Variants in CEP350 observed in about 807,000 individuals in gnomAD.
CEP350 encodes centrosomal protein 350, also known as centrosome-associated protein 350.
A neutral mutation model predicts 331.8 loss-of-function variants in CEP350; 126 were observed. That is an observed-to-expected ratio of 0.38 (90% CI 0.33 to 0.44). CEP350 has a LOEUF of 0.44. Among genes scored for constraint, CEP350 ranks in the 20% least tolerant of loss-of-function variants. The probability of loss-of-function intolerance (pLI) is 1.00; values close to 1 mark genes in which losing one functional copy is unlikely to be tolerated. For synonymous variants in CEP350, 1,200 were observed against 1,259.5 expected, an observed-to-expected ratio of 0.95 and a Z score of 1.00; for missense variants, 3,406 against 3,634.6, an observed-to-expected ratio of 0.94 and a Z score of 1.62.
chr1:179,978,570 T>C (rs1652049395), intron 1 of CEP350, among the ~76,000 whole-genome samples: 2 of 152,048 alleles, frequency 1.3e-5, no homozygotes, highest in Non-Finnish European at 2.9e-5. Context: ...TACTAACCTC[T>C]GTTCTACTTT....
At chr1:180,089,917 A>G (rs556478670) in intron 32 of CEP350, among the ~76,000 whole-genome samples, 1 of 152,328 alleles carries the variant, frequency 6.6e-6, no homozygotes, top group South Asian at 2.1e-4. Context: ...TAAAATAGCA[A>G]CATTTTAGGG....
At chr1:180,027,097 AC>A (rs1558110902) in intron 14 of CEP350, among the ~76,000 whole-genome samples, 1 of 152,200 alleles carries the variant, frequency 6.6e-6, no homozygotes, top group Non-Finnish European at 1.5e-5. Context: ...TATTTTGTCT[AC>A]ATTTATGCCA....
intron 3 of CEP350, among the ~76,000 whole-genome samples, chr1:179,989,374 T>C (rs1475504862): frequency 6.6e-6 from 1 of 151,602 alleles, no homozygotes; most frequent in Non-Finnish European, 1.5e-5. Flanking sequence ...TCCCAGCTAT[T>C]TGGGAGGCTG....
intron 29 of CEP350, 55 bp downstream of exon 29, chr1:180,078,729 T>TA: frequency 2.1e-6 from 3 of 1,427,490 alleles, no homozygotes; most frequent in Non-Finnish European, 2.9e-6. Flanking sequence ...AACTGAAAGG[T>TA]ATGTTAGCAG....
Position 179,992,086 on chromosome 1 carries a change from G to A in CEP350, c.260G>A (p.Trp87Ter). The A allele has an allele frequency of 6.5e-7, 1 of 1,549,562 alleles. No homozygotes were observed. The highest frequency in any genetic ancestry group is 8.7e-7 in the Non-Finnish European group (1 of 1,150,748). ...RKDGRYLDDS[W>*]VNAPISKSTK... ...GATGGTAGATACCTGGATGATTCTT[G>A]GGTTAATGCTCCAATCTCCAAATCC... is the stretch of plus-strand genomic sequence containing the variant. The change falls in exon 5 of 38, where the codon TGG (tryptophan) becomes TAG (stop). Residue 87 changes from tryptophan (W) to a stop codon, truncating the protein, a stop_gained. Coordinates refer to ENST00000367607, the MANE Select transcript of CEP350 (RefSeq NM_014810.5). LOFTEE classifies it high-confidence loss of function.
intron 27 of CEP350, among the ~76,000 whole-genome samples, chr1:180,066,512 T>A (rs1194314011): frequency 2.0e-5 from 3 of 152,198 alleles, no homozygotes; most frequent in Admixed American, 1.3e-4. Flanking sequence ...GTAAGTTAAA[T>A]CCTTACTTTC....
chr1:179,993,982 G>C (rs1653285898), intron 5 of CEP350, among the ~76,000 whole-genome samples: 1 of 152,028 alleles, frequency 6.6e-6, no homozygotes, highest in Non-Finnish European at 1.5e-5. Flanking sequence ...ATTATGTTTT[G>C]GTTCCATATC....
At chr1:179,990,755 C>T (rs955733200) in intron 4 of CEP350, 134 bp downstream of exon 4, 3 of 471,946 alleles carry the variant, frequency 6.4e-6, no homozygotes, top group Non-Finnish European at 1.1e-5. Context: ...CGAAGTCTCT[C>T]TGTGCTGCCC....
intron 3 of CEP350, 75 bp downstream of exon 3, chr1:179,987,361 T>A (rs1486131225): frequency 1.3e-6 from 1 of 764,202 alleles, no homozygotes; most frequent in Non-Finnish European, 2.2e-6. Flanking sequence ...TAGATTAAAA[T>A]GTTTTCCATA....
Position 179,976,282 on chromosome 1 carries a change from T to C in CEP350, c.-13-9887T>C, listed in dbSNP as rs141880049. Among the ~76,000 whole-genome samples the C allele has an allele frequency of 1.2e-4, 18 of 152,156 alleles. 1 individual carries two copies. In the East Asian group the frequency reaches 3.1e-3, roughly 26 times the overall value. The stretch of plus-strand genomic sequence containing the variant: ...ACTCCAATTTTTGGTTTAAAAAACA[T>C]AGACTTTTTAGTTGAAGGACTGTTC... On this transcript the variant is annotated intron_variant, in intron 1 of 37. Transcript: ENST00000367607.
intron 21 of CEP350, among the ~76,000 whole-genome samples, chr1:180,046,773 T>C (rs1657151299): frequency 6.6e-6 from 1 of 152,188 alleles, no homozygotes; most frequent in African/African-American, 2.4e-5. Context: ...GGGGGGACCA[T>C]GCATACTTGT....
chr1:180,023,881 A>G (rs1655499225), intron 13 of CEP350, among the ~76,000 whole-genome samples: 1 of 152,170 alleles, frequency 6.6e-6, no homozygotes, highest in African/African-American at 2.4e-5. Flanking sequence ...ATCTTATACA[A>G]ATTAGTTAAA....
chr1:179,970,156 A>G (rs1041301214), intron 1 of CEP350, among the ~76,000 whole-genome samples: 7 of 152,178 alleles, frequency 4.6e-5, no homozygotes, highest in African/African-American at 7.2e-5. Flanking sequence ...TCTTTATTTC[A>G]TCAGTGTGGG....
At position 180,020,732 on chromosome 1, in the gene CEP350, T is replaced by A. The variant is rs749688431; in HGVS notation, c.2958T>A (p.Pro986=). The part of the protein sequence containing the change: ...GSSIDSVSEG[P]LLSEGSLSEE... Reference sequence around the variant, plus strand: ...GCATAGATTCAGTCAGTGAAGGGCCTCTTCTTAGTGAGGGGAGTCTCTCTG... The same window carrying A: ...GCATAGATTCAGTCAGTGAAGGGCCACTTCTTAGTGAGGGGAGTCTCTCTG... The change falls in exon 12 of 38, where the codon CCT becomes CCA. Residue 986 remains proline, a synonymous_variant. Transcript: ENST00000367607. The A allele has an allele frequency of 1.2e-6, 2 of 1,614,038 alleles. No individual in the cohort carries two copies. Among genetic ancestry groups the A allele is most frequent in the Admixed American group, 1.7e-5 (1 of 60,030 alleles).
At chr1:180,100,199 A>G (rs1660721045) in intron 37 of CEP350, among the ~76,000 whole-genome samples, 1 of 152,226 alleles carries the variant, frequency 6.6e-6, no homozygotes, top group Non-Finnish European at 1.5e-5. Context: ...CAATAATTAC[A>G]TGAGGTAGGA....
intron 10 of CEP350, 87 bp from the exon 11 acceptor site, chr1:180,015,762 C>A: frequency 7.0e-7 from 1 of 1,428,268 alleles, no homozygotes; most frequent in African/African-American, 1.4e-5. Context: ...CTTTGTAGAG[C>A]TGAGGTGACT....
At chr1:180,068,442 A>C (rs12138429) in intron 27 of CEP350, among the ~76,000 whole-genome samples, 12,664 of 152,174 alleles carry the variant, frequency 0.083, 698 homozygotes, top group Non-Finnish European at 0.12. Flanking sequence ...TAAGCCATGA[A>C]CTGAATAGCT....
intron 25 of CEP350, among the ~76,000 whole-genome samples, chr1:180,058,718 A>AT (rs1245472518): frequency 9.2e-5 from 14 of 152,180 alleles, no homozygotes; most frequent in Non-Finnish European, 1.5e-5. Flanking sequence ...ATACTTAAGA[A>AT]TTTTTTAAGT....
chr1:180,004,058 AAAGG>A (rs1654048637), intron 7 of CEP350, among the ~76,000 whole-genome samples: 1 of 152,150 alleles, frequency 6.6e-6, no homozygotes, highest in Admixed American at 6.5e-5. Flanking sequence ...TCTCATGTGC[AAAGG>A]AAGAATAATG....
Sources: allele counts gnomAD v4.1 joint callset (sites outside exome capture counted in the v4.1 genomes callset), GRCh38; gene constraint gnomAD v4.1.1; transcripts MANE v1.5; gene names NCBI Gene and HGNC (gene_info 2026-07-23, HGNC 2026-07-21).